KCNK2: variants seen among roughly 807,000 people sequenced by gnomAD.
KCNK2 encodes the protein potassium channel subfamily K member 2.
A neutral mutation model predicts 40.5 loss-of-function variants in KCNK2; 21 were observed. That is an observed-to-expected ratio of 0.52 (90% CI 0.37 to 0.75). The LOEUF (loss-of-function observed/expected upper bound fraction) is 0.75, where lower values mean the gene tolerates loss of function less well. Among genes scored for constraint, KCNK2 ranks in the 30% least tolerant of loss-of-function variants. The probability of loss-of-function intolerance (pLI) is 0.00; values close to 1 mark genes in which losing one functional copy is unlikely to be tolerated. For synonymous variants in KCNK2, 191 were observed against 202.2 expected (o/e 0.94, Z 0.47); for missense variants, 399 against 531.6 (o/e 0.75, Z 2.45).
intron 5 of KCNK2, among the ~76,000 whole-genome samples, chr1:215,174,744 G>A (rs1431760139): frequency 6.6e-6 from 1 of 152,134 alleles, no homozygotes; most frequent in Admixed American, 6.6e-5. Context: ...TTGTGAATGG[G>A]AGTTCACTCA....
intron 3 of KCNK2, among the ~76,000 whole-genome samples, chr1:215,140,422 C>T (rs1222008271): frequency 6.6e-6 from 1 of 152,122 alleles, no homozygotes; most frequent in Non-Finnish European, 1.5e-5. Context: ...TCAGCAACTT[C>T]CTCACTGTGC....
At chr1:215,067,820 G>A (rs775807995) in intron 1 of KCNK2, among the ~76,000 whole-genome samples, 13 of 152,010 alleles carry the variant, frequency 8.6e-5, no homozygotes, top group Non-Finnish European at 1.5e-4. Context: ...GAGCCGACAC[G>A]GTGCCACTTG....
At chr1:215,225,360 T>C (rs1353794729) in intron 6 of KCNK2, among the ~76,000 whole-genome samples, 1 of 152,218 alleles carries the variant, frequency 6.6e-6, no homozygotes, top group East Asian at 1.9e-4. Context: ...GATTATGCTA[T>C]TAAAAATATG....
chr1:215,059,127 G>A (rs961862759), intron 1 of KCNK2, among the ~76,000 whole-genome samples: 13 of 132,082 alleles, frequency 9.8e-5, no homozygotes, highest in South Asian at 3.7e-4. Flanking sequence ...ATATATATTC[G>A]TGTATATATA....
chr1:215,071,982 G>C (rs1006119065), intron 1 of KCNK2, among the ~76,000 whole-genome samples: 2 of 152,172 alleles, frequency 1.3e-5, no homozygotes, highest in African/African-American at 4.8e-5. Context: ...GTTCAACATG[G>C]AGTTTTGTAT....
intron 1 of KCNK2, among the ~76,000 whole-genome samples, chr1:215,016,578 A>G (rs1656594675): frequency 6.6e-6 from 1 of 152,194 alleles, no homozygotes; most frequent in African/African-American, 2.4e-5. Flanking sequence ...TTAGACTCTC[A>G]TCTCACATAA....
At chr1:215,136,956 CTG>C (rs1373489007) in intron 3 of KCNK2, among the ~76,000 whole-genome samples, 1 of 152,220 alleles carries the variant, frequency 6.6e-6, no homozygotes, top group East Asian at 1.9e-4. Context: ...CTTTTCCAAA[CTG>C]TGTCTTCTTA....
At chr1:215,209,099 C>A (rs1436101937) in intron 6 of KCNK2, among the ~76,000 whole-genome samples, 1 of 150,414 alleles carries the variant, frequency 6.6e-6, no homozygotes, top group Non-Finnish European at 1.5e-5. Flanking sequence ...AGTGCTGGGA[C>A]TACAGGTGTG....
chr1:215,138,601 A>G (rs974424965), intron 3 of KCNK2, among the ~76,000 whole-genome samples: 3 of 152,116 alleles, frequency 2.0e-5, no homozygotes, highest in African/African-American at 7.2e-5. Flanking sequence ...AAAAGAAAAA[A>G]TAATTAGCCG....
intron 1 of KCNK2, among the ~76,000 whole-genome samples, chr1:215,015,564 G>C (rs61819981): frequency 0.01 from 1,529 of 152,118 alleles, 24 homozygotes; most frequent in South Asian, 0.073. Flanking sequence ...TGGTTAGCAG[G>C]TGGACATTTT....
At chr1:215,219,074 A>G (rs1247459266) in intron 6 of KCNK2, among the ~76,000 whole-genome samples, 2 of 152,182 alleles carry the variant, frequency 1.3e-5, no homozygotes, top group African/African-American at 4.8e-5. Context: ...GTTTATTTTG[A>G]TGATTAATTT....
intron 5 of KCNK2, among the ~76,000 whole-genome samples, chr1:215,177,742 T>TATATA (rs1558126644): frequency 3.2e-5 from 1 of 30,996 alleles, no homozygotes; most frequent in African/African-American, 8.5e-5. Flanking sequence ...ATATATATAT[T>TATATA]TTTTTTTTTT....
chr1:215,116,601 G>A (rs1296293673), intron 2 of KCNK2, among the ~76,000 whole-genome samples: 1 of 152,048 alleles, frequency 6.6e-6, no homozygotes, highest in Non-Finnish European at 1.5e-5. Context: ...TTTAAAAATA[G>A]CTTTGACACT....
intron 3 of KCNK2, among the ~76,000 whole-genome samples, chr1:215,163,532 T>C (rs12138294): frequency 0.062 from 9,398 of 152,230 alleles, 341 homozygotes; most frequent in Middle Eastern, 0.14. Flanking sequence ...TTTTGCCCAT[T>C]CAGTGTGATA....
Position 215,083,194 on chromosome 1 carries a change from T to TCCCCCCCCCCCCCCCCCCC in KCNK2, c.-183_-182insCCCCCCCCCCCCCCCCCCC. On this transcript the variant is annotated 5_prime_UTR_variant, in exon 1 of 7. Coordinates refer to ENST00000444842, the MANE Select transcript of KCNK2 (RefSeq NM_001017425.3). ...CCCGCGATTTCGTTTCTTCTCACGC[T>TCCCCCCCCCCCCCCCCCCC]CCCCCCCCCGCCCCCTCCCGCGTCC... The TCCCCCCCCCCCCCCCCCCC allele has an allele frequency of 6.0e-6, 3 of 501,814 alleles. No individual in the cohort carries two copies. The highest frequency in any genetic ancestry group is 4.1e-5 in the South Asian group (2 of 49,324). The allele number at this position is 501,814 out of a possible 1,614,324, so 31.1% of individuals were successfully genotyped here. A position where few individuals can be genotyped will look rare whatever the true frequency, so the allele number is the denominator to read the frequency against.
At chr1:215,230,732 T>C (rs1270664051) in intron 6 of KCNK2, among the ~76,000 whole-genome samples, 1 of 151,584 alleles carries the variant, frequency 6.6e-6, no homozygotes, top group Non-Finnish European at 1.5e-5. Flanking sequence ...AATGTGGTTA[T>C]AGAGCTAGAA....
chr1:215,022,554 T>A (rs889700248), intron 1 of KCNK2, among the ~76,000 whole-genome samples: 5 of 152,176 alleles, frequency 3.3e-5, no homozygotes, highest in African/African-American at 1.2e-4. Context: ...ATGGAACCAT[T>A]ACTATTCAAA....
intron 1 of KCNK2, among the ~76,000 whole-genome samples, chr1:215,036,087 T>TA (rs1396022570): frequency 1.3e-5 from 2 of 151,750 alleles, no homozygotes; most frequent in African/African-American, 2.4e-5. Context: ...GTTAACTGTG[T>TA]AAAAAAATCT....
intron 6 of KCNK2, among the ~76,000 whole-genome samples, chr1:215,200,952 G>T (rs150307736): frequency 5.3e-5 from 8 of 152,294 alleles, no homozygotes; most frequent in Non-Finnish European, 8.8e-5. Flanking sequence ...CTAGAAAATT[G>T]CATCTGCGTG....
Sources: allele counts gnomAD v4.1 joint callset (sites outside exome capture counted in the v4.1 genomes callset), GRCh38; gene constraint gnomAD v4.1.1; transcripts MANE v1.5; gene names NCBI Gene and HGNC (gene_info 2026-07-23, HGNC 2026-07-21).